The following NRG1 variants were observed in gnomAD, a reference collection of about 807,000 sequenced individuals.
NRG1 encodes the protein pro-neuregulin-1, membrane-bound isoform.
NRG1 carries 18 observed loss-of-function variants against 63.8 expected under a neutral mutation model. The ratio of observed to expected loss-of-function variants is 0.28; its 90% CI spans 0.19 to 0.42. The LOEUF (loss-of-function observed/expected upper bound fraction) is 0.42, where lower values mean the gene tolerates loss of function less well. Ranked by LOEUF, NRG1 falls within the 10% of genes least tolerant of loss-of-function variation. The probability of loss-of-function intolerance (pLI) is 1.00; values close to 1 mark genes in which losing one functional copy is unlikely to be tolerated. For synonymous variants in NRG1, 302 were observed against 301.3 expected (o/e 1.00, Z -0.02); for missense variants, 762 against 814.7 (o/e 0.94, Z 0.79).
At chr8:32,763,515 G>A (rs1407917610) in intron 11 of NRG1, among the ~76,000 whole-genome samples, 2 of 152,114 alleles carry the variant, frequency 1.3e-5, no homozygotes, top group African/African-American at 4.8e-5. Context: ...AAGCTTTGAT[G>A]AGCTAGGCAA....
intron 1 of NRG1, among the ~76,000 whole-genome samples, chr8:31,884,026 A>G (rs977604138): frequency 2.0e-5 from 3 of 152,064 alleles, no homozygotes; most frequent in African/African-American, 7.2e-5. Flanking sequence ...GTTGATCAGT[A>G]AATGTTTTGA....
intron 1 of NRG1, among the ~76,000 whole-genome samples, chr8:32,589,144 G>C (rs1213765387): frequency 6.6e-6 from 1 of 152,200 alleles, no homozygotes; most frequent in Non-Finnish European, 1.5e-5. Context: ...TTACACATTT[G>C]ATAAGACAAA....
At chr8:32,559,402 C>G (rs1835913039) in intron 1 of NRG1, among the ~76,000 whole-genome samples, 1 of 152,012 alleles carries the variant, frequency 6.6e-6, no homozygotes, top group South Asian at 2.1e-4. Context: ...TAACTAAAAG[C>G]CTCTTCTTTG....
At chr8:31,854,926 G>A in intron 1 of NRG1, among the ~76,000 whole-genome samples, 1 of 152,178 alleles carries the variant, frequency 6.6e-6, no homozygotes, top group Non-Finnish European at 1.5e-5. Context: ...GCGGTTTTGA[G>A]TGAGATTCTT....
At chr8:32,538,612 G>A (rs955219321) in intron 1 of NRG1, among the ~76,000 whole-genome samples, 3 of 152,194 alleles carry the variant, frequency 2.0e-5, no homozygotes, top group African/African-American at 4.8e-5. Context: ...CAGCTGCAGA[G>A]CTTGGAAAAG....
intron 1 of NRG1, among the ~76,000 whole-genome samples, chr8:31,833,747 C>T (rs1452551067): frequency 6.6e-6 from 1 of 152,158 alleles, no homozygotes; most frequent in Admixed American, 6.5e-5. Flanking sequence ...TCTTCTGTTT[C>T]CTGAGCTGTG....
intron 5 of NRG1, among the ~76,000 whole-genome samples, chr8:32,622,732 T>C (rs1475028604): frequency 1.3e-5 from 2 of 152,190 alleles, no homozygotes; most frequent in Admixed American, 1.3e-4. Flanking sequence ...ATGCTATTTA[T>C]TTTAAACATA....
At chr8:31,806,527 T>C (rs1822301929) in intron 1 of NRG1, among the ~76,000 whole-genome samples, 1 of 152,164 alleles carries the variant, frequency 6.6e-6, no homozygotes, top group African/African-American at 2.4e-5. Flanking sequence ...CTTCAGAAAA[T>C]ATAGATTACC....
intron 1 of NRG1, among the ~76,000 whole-genome samples, chr8:32,199,400 C>A (rs1843275986): frequency 6.6e-6 from 1 of 152,206 alleles, no homozygotes; most frequent in South Asian, 2.1e-4. Context: ...CTTTTCTCAT[C>A]TATCATCCTG....
At chr8:31,843,766 C>A (rs1826414721) in intron 1 of NRG1, among the ~76,000 whole-genome samples, 1 of 152,186 alleles carries the variant, frequency 6.6e-6, no homozygotes, top group Admixed American at 6.5e-5. Context: ...ATAGTTTAAA[C>A]TTTCATTACA....
chr8:32,746,832 C>A (rs1157642576), intron 7 of NRG1, among the ~76,000 whole-genome samples: 2 of 149,258 alleles, frequency 1.3e-5, no homozygotes, highest in African/African-American at 2.5e-5. Flanking sequence ...AAAGTAATAA[C>A]CTTTTCATAA....
intron 1 of NRG1, among the ~76,000 whole-genome samples, chr8:32,150,473 G>A (rs959234438): frequency 6.6e-6 from 1 of 152,170 alleles, no homozygotes; most frequent in African/African-American, 2.4e-5. Flanking sequence ...TTATAAAAGA[G>A]GTTGAAGAGA....
chr8:31,902,381 G>A (rs1011523350), intron 1 of NRG1, among the ~76,000 whole-genome samples: 1 of 152,182 alleles, frequency 6.6e-6, no homozygotes, highest in East Asian at 1.9e-4. Flanking sequence ...AATCACCTGA[G>A]ATTCTCTTTT....
intron 1 of NRG1, among the ~76,000 whole-genome samples, chr8:32,561,558 A>G (rs748474991): frequency 4.6e-5 from 7 of 152,160 alleles, no homozygotes; most frequent in Middle Eastern, 3.4e-3. Flanking sequence ...TATGCAGGAA[A>G]CTCTGAAAAC....
chr8:32,483,758 A>C (rs1350655458), intron 1 of NRG1, among the ~76,000 whole-genome samples: 3 of 152,002 alleles, frequency 2.0e-5, no homozygotes, highest in Non-Finnish European at 4.4e-5. Flanking sequence ...AAACAACTTT[A>C]CCCCTTTCAC....
At chr8:31,668,551 A>G (rs1170211241) in intron 1 of NRG1, among the ~76,000 whole-genome samples, 3 of 152,206 alleles carry the variant, frequency 2.0e-5, no homozygotes, top group Non-Finnish European at 2.9e-5. Context: ...ATCACAAAGT[A>G]CTGTGTCCCC....
At chr8:32,457,055 C>G (rs563085218) in intron 1 of NRG1, among the ~76,000 whole-genome samples, 1 of 152,042 alleles carries the variant, frequency 6.6e-6, no homozygotes, top group Non-Finnish European at 1.5e-5. Flanking sequence ...TCACTTGAAC[C>G]CTGGAGGCAG....
At chr8:31,996,075 C>T (rs1375862220) in intron 1 of NRG1, among the ~76,000 whole-genome samples, 3 of 151,516 alleles carry the variant, frequency 2.0e-5, no homozygotes, top group African/African-American at 4.9e-5. Flanking sequence ...GTATGCAGTC[C>T]TTTCTTCGTC....
intron 1 of NRG1, among the ~76,000 whole-genome samples, chr8:32,264,959 C>A (rs1351207558): frequency 2.0e-5 from 3 of 152,136 alleles, no homozygotes; most frequent in African/African-American, 4.8e-5. Context: ...GTCAAAGGAA[C>A]AAACCCACTT....
Sources: gnomAD v4.1 joint callset for allele counts (sites outside exome capture counted in the v4.1 genomes callset) on GRCh38, gnomAD v4.1.1 for gene constraint, MANE v1.5 for transcripts, NCBI Gene and HGNC (gene_info 2026-07-23, HGNC 2026-07-21) for gene names.